The following UNC79 variants were observed in gnomAD, a reference collection of about 807,000 sequenced individuals.
UNC79 encodes the protein unc-79 subunit of NALCN channel complex, also known as protein unc-79 homolog.
UNC79 carries 37 observed loss-of-function variants against 283.1 expected under a neutral mutation model. That is an observed-to-expected ratio of 0.13 (90% CI 0.10 to 0.17). The LOEUF (loss-of-function observed/expected upper bound fraction) is 0.17, where lower values mean the gene tolerates loss of function less well. Among genes scored for constraint, UNC79 ranks in the 10% least tolerant of loss-of-function variants. The pLI, the probability that UNC79 is intolerant of heterozygous loss-of-function variation, is 1.00. For synonymous variants in UNC79, 1,107 were observed against 1,200.2 expected (o/e 0.92, Z 1.61); for missense variants, 2,272 against 3,211.1 (o/e 0.71, Z 7.07).
At chr14:93,645,865 C>A (rs1237888122) in intron 34 of UNC79, among the ~76,000 whole-genome samples, 1 of 152,076 alleles carries the variant, frequency 6.6e-6, no homozygotes, top group Admixed American at 6.6e-5. Flanking sequence ...GGTTGCTGGA[C>A]CCCCTATTCT....
chr14:93,378,733 A>T (rs2054609604), intron 1 of UNC79, among the ~76,000 whole-genome samples: 1 of 152,180 alleles, frequency 6.6e-6, no homozygotes, highest in East Asian at 1.9e-4. Context: ...GTACTCAAAA[A>T]ATTTTAAATT....
At chr14:93,450,066 A>G (rs2056590252) in intron 1 of UNC79, among the ~76,000 whole-genome samples, 1 of 152,188 alleles carries the variant, frequency 6.6e-6, no homozygotes, top group African/African-American at 2.4e-5. Context: ...TCACTGAGCA[A>G]AGTCAGAAGT....
At position 93,528,653 on chromosome 14, in the gene UNC79, A is replaced by C. The variant is rs770994700; in HGVS notation, c.1052+7A>C. 6.2e-7 allele frequency: 1 copy of C among 1,612,440 alleles called. No individual in the cohort carries two copies. The highest frequency in any genetic ancestry group is 1.3e-5 in the African/African-American group (1 of 74,882). On this transcript the variant is annotated splice_region_variant and intron_variant, in intron 9 of 48. Transcript: ENST00000555664. ...GCAGCGAGAGGATTGCAGGGTAGGT[A>C]TAAGAGTTCTTAAAGAAAAGGAAAT...
intron 11 of UNC79, among the ~76,000 whole-genome samples, chr14:93,534,051 T>C (rs955771058): frequency 6.6e-6 from 1 of 152,146 alleles, no homozygotes; most frequent in Non-Finnish European, 1.5e-5. Flanking sequence ...CAAGACACAA[T>C]GTTGAGACAG....
intron 1 of UNC79, among the ~76,000 whole-genome samples, chr14:93,404,030 T>C (rs1408862219): frequency 6.6e-6 from 1 of 152,076 alleles, no homozygotes; most frequent in Non-Finnish European, 1.5e-5. Flanking sequence ...AGGATATACT[T>C]CAGTAAGAAA....
chr14:93,642,240 T>G (rs1352660561), intron 33 of UNC79, among the ~76,000 whole-genome samples: 1 of 151,834 alleles, frequency 6.6e-6, no homozygotes, highest in Admixed American at 6.6e-5. Context: ...CTGGCTAACA[T>G]GGTGAAACCC....
intron 5 of UNC79, among the ~76,000 whole-genome samples, chr14:93,488,515 T>A (rs2058561344): frequency 6.6e-6 from 1 of 152,122 alleles, no homozygotes; most frequent in Admixed American, 6.5e-5. Flanking sequence ...TTTTGCTATC[T>A]ACTTAATTAC....
Position 93,365,726 on chromosome 14 carries a change from G to A in UNC79, c.-351+32203G>A, listed in dbSNP as rs77391601. 5.9e-3 allele frequency among the ~76,000 whole-genome samples: 893 copies of A among 152,154 alleles called. 2 individuals are homozygous for A. Among genetic ancestry groups the A allele is most frequent in the Non-Finnish European group, 9.8e-3 (666 of 68,002 alleles). On this transcript the variant is annotated intron_variant, in intron 1 of 49. Transcript: ENST00000256339. ...GTCTTTAAGAGCATAGAGAAAAGAC[G>A]AAGGAATTAGAAACAGTGAGAAAAA...
chr14:93,593,947 TCTC>T, intron 23 of UNC79, 110 bp downstream of exon 23: 1 of 1,236,268 alleles, frequency 8.1e-7, no homozygotes, highest in Non-Finnish European at 1.1e-6. Context: ...TAAAAGGCAT[TCTC>T]CTGCTGGCTG....
chr14:93,579,861 G>A (rs1027092064), intron 18 of UNC79, among the ~76,000 whole-genome samples: 52 of 152,134 alleles, frequency 3.4e-4, no homozygotes, highest in Admixed American at 2.4e-3. Flanking sequence ...CTCACAAACC[G>A]ATTAGCCAAA....
intron 1 of UNC79, among the ~76,000 whole-genome samples, chr14:93,445,549 GAT>G (rs1365079274): frequency 2.0e-5 from 3 of 152,172 alleles, no homozygotes; most frequent in Non-Finnish European, 2.9e-5. Context: ...GTTTTCATGA[GAT>G]ATACTGGTCT....
Position 93,523,962 on chromosome 14 carries a change from G to A in UNC79, c.899-16G>A. The A allele has an allele frequency of 6.2e-7, 1 of 1,613,698 alleles. No individual in the cohort carries two copies. Among genetic ancestry groups the A allele is most frequent in the Non-Finnish European group, 8.5e-7 (1 of 1,179,678 alleles). On this transcript the variant is annotated splice_polypyrimidine_tract_variant and intron_variant, in intron 7 of 48. Transcript: ENST00000555664. Reference sequence around the variant, plus strand: ...TTTCAATGAGAAGTATTCATCAGCTGTGCTTTACTTTACAGCTTGGAATCC... The same window carrying A: ...TTTCAATGAGAAGTATTCATCAGCTATGCTTTACTTTACAGCTTGGAATCC...
intron 14 of UNC79, among the ~76,000 whole-genome samples, chr14:93,561,375 C>CT (rs1470212956): frequency 1.3e-5 from 2 of 152,048 alleles, no homozygotes; most frequent in Non-Finnish European, 2.9e-5. Context: ...TGTGAAATGT[C>CT]TGGGGAGGTC....
At chr14:93,559,579 CA>C (rs1243328215) in intron 14 of UNC79, among the ~76,000 whole-genome samples, 2 of 151,588 alleles carry the variant, frequency 1.3e-5, no homozygotes, top group African/African-American at 4.9e-5. Context: ...CTCTGGCTGG[CA>C]GGGGTGGGGG....
chr14:93,507,992 T>C (rs1200772479), intron 7 of UNC79, among the ~76,000 whole-genome samples: 1 of 152,196 alleles, frequency 6.6e-6, no homozygotes, highest in East Asian at 1.9e-4. Flanking sequence ...CATATTTTTG[T>C]GGGTTTATTT....
intron 7 of UNC79, among the ~76,000 whole-genome samples, chr14:93,516,461 G>A (rs1595717941): frequency 2.2e-5 from 2 of 90,868 alleles, no homozygotes; most frequent in African/African-American, 8.2e-5. Flanking sequence ...GGGGGGGGGG[G>A]TGGGGGATGG....
chr14:93,340,525 T>C (rs2053685167), intron 1 of UNC79, among the ~76,000 whole-genome samples: 1 of 149,980 alleles, frequency 6.7e-6, no homozygotes, highest in Non-Finnish European at 1.5e-5. Flanking sequence ...TAGTTTACAA[T>C]CTGTTTATAC....
chr14:93,566,052 T>A (rs1466320931), intron 14 of UNC79, among the ~76,000 whole-genome samples: 1 of 150,248 alleles, frequency 6.7e-6, no homozygotes, highest in East Asian at 2.0e-4. Flanking sequence ...TGGCAAGGAG[T>A]CTTGGGGAGG....
Position 93,700,039 on chromosome 14 carries a change from C to T in UNC79, c.7549-4586C>T, listed in dbSNP as rs191346339. Reference sequence around the variant, plus strand: ...CTTTCAATTTTGAAAGACAGTTTCACTGGGTATTGAATTCTAGATGGATGG... The same window carrying T: ...CTTTCAATTTTGAAAGACAGTTTCATTGGGTATTGAATTCTAGATGGATGG... On this transcript the variant is annotated intron_variant, in intron 47 of 48. Coordinates refer to ENST00000555664, the Ensembl canonical transcript of UNC79. 7.6e-4 allele frequency among the ~76,000 whole-genome samples: 109 copies of T among 143,928 alleles called. 1 individual carries two copies. Among genetic ancestry groups the T allele is most frequent in the African/African-American group, 2.7e-3 (105 of 39,146 alleles). 94.4% of individuals were successfully genotyped at this position (143,928 alleles called of 152,430 possible). A position where few individuals can be genotyped will look rare whatever the true frequency, so the allele number is the denominator to read the frequency against.
Sources: allele counts gnomAD v4.1 joint callset (sites outside exome capture counted in the v4.1 genomes callset), GRCh38; gene constraint gnomAD v4.1.1; transcripts MANE v1.5; gene names NCBI Gene and HGNC (gene_info 2026-07-23, HGNC 2026-07-21).